R3HDM1: variants seen among roughly 807,000 people sequenced by gnomAD.
R3HDM1 encodes the protein R3H domain-containing protein 1.
Under a neutral mutation model 141.1 loss-of-function variants are expected in R3HDM1, and 46 were observed. The ratio of observed to expected loss-of-function variants is 0.33; its 90% CI spans 0.26 to 0.42. R3HDM1 has a LOEUF of 0.42. Ranked by LOEUF, R3HDM1 falls within the 10% of genes least tolerant of loss-of-function variation. The probability of loss-of-function intolerance (pLI) is 1.00; values close to 1 mark genes in which losing one functional copy is unlikely to be tolerated. For missense variants in R3HDM1, 1,184 were observed against 1,368.3 expected (o/e 0.87, Z 2.12); for synonymous variants, 435 against 472.9 (o/e 0.92, Z 1.04).
chr2:135,642,547 T>G (rs1452873816), intron 15 of R3HDM1, among the ~76,000 whole-genome samples: 1 of 152,196 alleles, frequency 6.6e-6, no homozygotes, highest in African/African-American at 2.4e-5. Context: ...AAAAATGATC[T>G]TGTAAAAGAT....
intron 1 of R3HDM1, among the ~76,000 whole-genome samples, chr2:135,572,403 C>G (rs1383630855): frequency 3.3e-5 from 5 of 152,092 alleles, no homozygotes; most frequent in African/African-American, 4.8e-5. Flanking sequence ...ACACATAAGG[C>G]CAATAAGCAC....
At chr2:135,670,272 CA>C in intron 19 of R3HDM1, 12 of 968,732 alleles carry the variant, frequency 1.2e-5, no homozygotes, top group Non-Finnish European at 1.5e-5. Flanking sequence ...AGTGAAAAGA[CA>C]GGGATTTGGG....
intron 7 of R3HDM1, among the ~76,000 whole-genome samples, chr2:135,629,982 A>C (rs751785502): frequency 2.0e-5 from 3 of 152,062 alleles, no homozygotes; most frequent in Non-Finnish European, 4.4e-5. Flanking sequence ...TTGTGGCAGT[A>C]GAAAAATAGA....
At chr2:135,626,209 G>GCTTGCTTGCTTGCTTGCTTGCT (rs1553576640) in intron 7 of R3HDM1, among the ~76,000 whole-genome samples, 502 of 143,374 alleles carry the variant, frequency 3.5e-3, no homozygotes, top group African/African-American at 0.014. Context: ...GCGTGCGTGC[G>GCTTGCTTGCTTGCTTGCTTGCT]TGCTTGCTTG....
intron 21 of R3HDM1, among the ~76,000 whole-genome samples, chr2:135,697,612 G>C (rs1197592989): frequency 6.6e-6 from 1 of 152,178 alleles, no homozygotes; most frequent in African/African-American, 2.4e-5. Context: ...CCAATTGGTT[G>C]AGTCTCACAG....
chr2:135,650,203 A>T (rs1240588373), intron 17 of R3HDM1, 200 bp downstream of exon 17: 2 of 972,022 alleles, frequency 2.1e-6, no homozygotes, highest in African/African-American at 1.8e-5. Context: ...TATTATGGTG[A>T]TTGTTTAACC....
intron 7 of R3HDM1, 50 bp downstream of exon 7, chr2:135,622,782 T>G: frequency 6.7e-7 from 1 of 1,490,040 alleles, no homozygotes; most frequent in Non-Finnish European, 9.0e-7. Flanking sequence ...TACCATAATT[T>G]TGCTATATAT....
At position 135,724,048 on chromosome 2, in the gene R3HDM1, G is replaced by A. The variant is rs1462804739; in HGVS notation, c.3161G>A (p.Arg1054Gln). 4.3e-6 allele frequency: 7 copies of A among 1,613,828 alleles called. No homozygotes were observed. The highest frequency in any genetic ancestry group is 2.7e-5 in the African/African-American group (2 of 74,858). Residue 1054 changes from arginine (R) to glutamine (Q), a missense_variant, in exon 27 of 27, where the codon CGG becomes CAG. By Grantham distance (43) the Arg-to-Gln change is conservative (BLOSUM62 1). Coordinates refer to ENST00000683871, the MANE Select transcript of R3HDM1 (RefSeq NM_001378107.1). ...FKIGAKIRWL[R>Q]DPQSQPRRHP... The stretch of plus-strand genomic sequence containing the variant: ...ATTGGCGCCAAGATCCGGTGGCTCC[G>A]GGACCCCCAGTCCCAACCACGTCGT...
intron 20 of R3HDM1, 90 bp from the exon 21 acceptor site, chr2:135,680,083 A>G (rs1013736583): frequency 1.2e-5 from 16 of 1,358,956 alleles, no homozygotes; most frequent in Middle Eastern, 3.7e-4. Flanking sequence ...TCATCTCGAA[A>G]AAAATAAAGT....
At chr2:135,599,316 C>T (rs1369418537) in intron 1 of R3HDM1, among the ~76,000 whole-genome samples, 1 of 151,974 alleles carries the variant, frequency 6.6e-6, no homozygotes, top group African/African-American at 2.4e-5. Flanking sequence ...GAATTTTGAG[C>T]TCATATATCC....
chr2:135,594,709 C>A (rs748183357), intron 1 of R3HDM1, among the ~76,000 whole-genome samples: 5 of 152,130 alleles, frequency 3.3e-5, no homozygotes, highest in Non-Finnish European at 5.9e-5. Context: ...ACATTTCAGG[C>A]TTATTCACCA....
chr2:135,695,213 C>T (rs2105390419), intron 21 of R3HDM1, among the ~76,000 whole-genome samples: 1 of 152,202 alleles, frequency 6.6e-6, no homozygotes, highest in South Asian at 2.1e-4. Flanking sequence ...TATCCAACAC[C>T]CAACAAGGTT....
intron 7 of R3HDM1, among the ~76,000 whole-genome samples, chr2:135,627,045 G>A (rs559298206): frequency 3.9e-5 from 6 of 152,070 alleles, no homozygotes; most frequent in African/African-American, 1.4e-4. Context: ...TGAATAATTC[G>A]TGTAATGGCT....
chr2:135,564,653 T>C (rs543944121), intron 1 of R3HDM1, among the ~76,000 whole-genome samples: 1 of 152,186 alleles, frequency 6.6e-6, no homozygotes, highest in African/African-American at 2.4e-5. Flanking sequence ...TAGTGCAGAG[T>C]AGAGTGAGAT....
At chr2:135,617,045 C>T (rs1306477582) in intron 5 of R3HDM1, among the ~76,000 whole-genome samples, 1 of 152,020 alleles carries the variant, frequency 6.6e-6, no homozygotes, top group Non-Finnish European at 1.5e-5. Context: ...AAATGTTGGT[C>T]GGGTGCAGTG....
chr2:135,535,204 A>G (rs544658537), intron 1 of R3HDM1, among the ~76,000 whole-genome samples: 1 of 152,240 alleles, frequency 6.6e-6, no homozygotes, highest in Admixed American at 6.5e-5. Context: ...ATAACTTAAG[A>G]TAACTAAAAT....
chr2:135,666,621 T>A (rs1414518405), intron 19 of R3HDM1, among the ~76,000 whole-genome samples: 1 of 152,236 alleles, frequency 6.6e-6, no homozygotes, highest in East Asian at 1.9e-4. Context: ...TTTAAATAGC[T>A]GTGAGCAATA....
At chr2:135,679,336 T>A (rs1236731400) in intron 20 of R3HDM1, among the ~76,000 whole-genome samples, 1 of 152,130 alleles carries the variant, frequency 6.6e-6, no homozygotes, top group Non-Finnish European at 1.5e-5. Flanking sequence ...CTAGATACTT[T>A]AGTTGTGCTA....
At chr2:135,626,161 T>C (rs890108900) in intron 7 of R3HDM1, among the ~76,000 whole-genome samples, 2 of 151,162 alleles carry the variant, frequency 1.3e-5, no homozygotes, top group Non-Finnish European at 2.9e-5. Flanking sequence ...CCAGCTGTTG[T>C]CCACTGTAGA....
Sources: allele counts gnomAD v4.1 joint callset (sites outside exome capture counted in the v4.1 genomes callset), GRCh38; gene constraint gnomAD v4.1.1; transcripts MANE v1.5; gene names NCBI Gene and HGNC (gene_info 2026-07-23, HGNC 2026-07-21).